The following PCDH9 variants were observed in gnomAD, a reference collection of about 807,000 sequenced individuals.
PCDH9 encodes the protein protocadherin 9, also known as protocadherin-9.
Under a neutral mutation model 70.6 loss-of-function variants are expected in PCDH9, and 24 were observed. The ratio of observed to expected loss-of-function variants is 0.34; its 90% CI spans 0.25 to 0.48. The LOEUF (loss-of-function observed/expected upper bound fraction) is 0.48. Among genes scored for constraint, PCDH9 ranks in the 20% least tolerant of loss-of-function variants. PCDH9 has a pLI of 0.99. For missense variants in PCDH9, 1,281 were observed against 1,503.6 expected, an observed-to-expected ratio of 0.85 and a Z score of 2.45; for synonymous variants, 562 against 558.5, an observed-to-expected ratio of 1.01 and a Z score of -0.09.
Position 67,127,678 on chromosome 13 carries a change from G to GTGTGTA in PCDH9, c.3036+97726_3036+97727insTACACA, listed in dbSNP as rs796529050. Among the ~76,000 whole-genome samples the GTGTGTA allele has an allele frequency of 8.7e-3, 1,117 of 129,118 alleles. 11 individuals are homozygous for GTGTGTA. The highest frequency in any genetic ancestry group is 0.03 in the African/African-American group (1,063 of 35,234). The allele number at this position is 129,118 out of a possible 152,430, so 84.7% of individuals were successfully genotyped here. ...ACTTTTTTATCATATATATATATATGTGTGTGTGTGTGTGTGTGTGTGTAT... is the reference window on the plus strand; with the variant it reads ...ACTTTTTTATCATATATATATATATGTGTGTATGTGTGTGTGTGTGTGTGTGTGTAT... On this transcript the variant is annotated intron_variant, in intron 2 of 4. Transcript: ENST00000377865.
chr13:66,774,958 A>T (rs1209843189), intron 3 of PCDH9, among the ~76,000 whole-genome samples: 1 of 152,098 alleles, frequency 6.6e-6, no homozygotes, highest in Admixed American at 6.6e-5. Context: ...TTTGGATATT[A>T]TTTTCTAAGT....
intron 4 of PCDH9, among the ~76,000 whole-genome samples, chr13:66,359,290 T>C (rs1956430633): frequency 6.6e-6 from 1 of 151,998 alleles, no homozygotes; most frequent in African/African-American, 2.4e-5. Flanking sequence ...ATATCAGCAT[T>C]CCGCAGGGGC....
intron 2 of PCDH9, among the ~76,000 whole-genome samples, chr13:67,026,528 A>C (rs887458701): frequency 2.6e-5 from 4 of 151,698 alleles, no homozygotes; most frequent in African/African-American, 9.7e-5. Flanking sequence ...CTCCCTCACC[A>C]CTCCTATTCA....
intron 4 of PCDH9, among the ~76,000 whole-genome samples, chr13:66,623,998 T>C (rs765172396): frequency 6.6e-6 from 1 of 152,222 alleles, no homozygotes; most frequent in Non-Finnish European, 1.5e-5. Flanking sequence ...ATTTTCAAAG[T>C]AAATATAACT....
At chr13:67,134,687 G>C (rs1193671344) in intron 2 of PCDH9, among the ~76,000 whole-genome samples, 1 of 152,014 alleles carries the variant, frequency 6.6e-6, no homozygotes, top group African/African-American at 2.4e-5. Context: ...CGGTACATTT[G>C]AAAATACTGC....
intron 3 of PCDH9, among the ~76,000 whole-genome samples, chr13:66,816,709 T>C (rs2080611041): frequency 6.6e-6 from 1 of 152,004 alleles, no homozygotes; most frequent in Non-Finnish European, 1.5e-5. Context: ...GATCACGAGG[T>C]CAAGAGTTCG....
chr13:67,141,111 C>T (rs995824158), intron 2 of PCDH9, among the ~76,000 whole-genome samples: 5 of 152,058 alleles, frequency 3.3e-5, no homozygotes, highest in African/African-American at 1.2e-4. Context: ...AATTAGCATC[C>T]TAAAGAGTTT....
At chr13:67,161,383 C>T (rs1292576206) in intron 2 of PCDH9, among the ~76,000 whole-genome samples, 2 of 152,110 alleles carry the variant, frequency 1.3e-5, no homozygotes, top group Non-Finnish European at 2.9e-5. Context: ...ATTCAGGAGG[C>T]CTGCTTTGCT....
chr13:66,576,149 A>G (rs918495965), intron 4 of PCDH9, among the ~76,000 whole-genome samples: 1 of 151,750 alleles, frequency 6.6e-6, no homozygotes, highest in African/African-American at 2.4e-5. Flanking sequence ...ACATGAGGTT[A>G]GAAGCTATTT....
rs190642013 is a variant in PCDH9, at chr13:66,927,443, C to T, written c.3037-23838G>A. 3.2e-3 allele frequency among the ~76,000 whole-genome samples: 480 copies of T among 152,056 alleles called. 2 individuals carry two copies. The highest frequency in any genetic ancestry group is 0.011 in the African/African-American group (459 of 41,490). ...GTTCATGAAAAATATCTAATGGGTA[C>T]AAGGCTTAATACCTGGGTGATGAAA... On this transcript the variant is annotated intron_variant, in intron 2 of 4. Transcript: ENST00000377865.
intron 2 of PCDH9, among the ~76,000 whole-genome samples, chr13:67,001,660 G>A (rs1454082089): frequency 6.6e-6 from 1 of 152,178 alleles, no homozygotes; most frequent in Admixed American, 6.5e-5. Context: ...AACAGACGGG[G>A]CTGTGTACGC....
chr13:66,606,962 A>G (rs2077229478), intron 4 of PCDH9, among the ~76,000 whole-genome samples: 1 of 152,096 alleles, frequency 6.6e-6, no homozygotes, highest in Admixed American at 6.6e-5. Context: ...GTGTTTTGTG[A>G]TTCAAAAATA....
chr13:66,828,939 T>C (rs1458218877), intron 3 of PCDH9, among the ~76,000 whole-genome samples: 1 of 152,108 alleles, frequency 6.6e-6, no homozygotes, highest in Non-Finnish European at 1.5e-5. Context: ...TTTATCTCTA[T>C]TAGGTGTTAT....
At chr13:67,166,409 A>T (rs1366455916) in intron 2 of PCDH9, among the ~76,000 whole-genome samples, 1 of 152,188 alleles carries the variant, frequency 6.6e-6, no homozygotes. Flanking sequence ...TCACTACATG[A>T]TACAACCTTG....
At chr13:66,751,744 CTT>C (rs1367655731) in intron 3 of PCDH9, among the ~76,000 whole-genome samples, 1 of 152,152 alleles carries the variant, frequency 6.6e-6, no homozygotes, top group Non-Finnish European at 1.5e-5. Flanking sequence ...AGGAAATAAA[CTT>C]TTAATTTTGG....
At chr13:67,191,322 G>A (rs1377425002) in intron 2 of PCDH9, among the ~76,000 whole-genome samples, 2 of 152,026 alleles carry the variant, frequency 1.3e-5, no homozygotes, top group Non-Finnish European at 2.9e-5. Flanking sequence ...CTGGAAAACA[G>A]GGAGGTTATC....
intron 3 of PCDH9, among the ~76,000 whole-genome samples, chr13:66,735,783 G>T (rs1010183119): frequency 1.3e-5 from 2 of 152,090 alleles, no homozygotes; most frequent in African/African-American, 4.8e-5. Flanking sequence ...GGCCAACATG[G>T]TGAAACCTTG....
intron 4 of PCDH9, among the ~76,000 whole-genome samples, chr13:66,530,936 G>T (rs1960423700): frequency 6.6e-6 from 1 of 151,740 alleles, no homozygotes; most frequent in African/African-American, 2.4e-5. Context: ...ATTTCCTCAG[G>T]CCAGGCCATG....
At chr13:66,465,846 T>TA (rs1405653473) in intron 4 of PCDH9, among the ~76,000 whole-genome samples, 1 of 151,916 alleles carries the variant, frequency 6.6e-6, no homozygotes, top group African/African-American at 2.4e-5. Context: ...TAAAATATAT[T>TA]ACTGTGGAAA....
Sources: allele counts gnomAD v4.1 joint callset (sites outside exome capture counted in the v4.1 genomes callset), GRCh38; gene constraint gnomAD v4.1.1; transcripts MANE v1.5; gene names NCBI Gene and HGNC (gene_info 2026-07-23, HGNC 2026-07-21).